Variants in GRIP1 observed in about 807,000 individuals in gnomAD.
GRIP1 encodes glutamate receptor-interacting protein 1.
Under a neutral mutation model 129.9 loss-of-function variants are expected in GRIP1, and 45 were observed. The ratio of observed to expected loss-of-function variants is 0.35; its 90% CI spans 0.27 to 0.44. GRIP1 has a LOEUF of 0.44. Ranked by LOEUF, GRIP1 falls within the 20% of genes least tolerant of loss-of-function variation. The pLI, the probability that GRIP1 is intolerant of heterozygous loss-of-function variation, is 1.00. For missense variants in GRIP1, 1,196 were observed against 1,396.8 expected (o/e 0.86, Z 2.29); for synonymous variants, 530 against 520.8 (o/e 1.02, Z -0.24).
rs1052239453 is a variant in GRIP1, at chr12:66,904,030, C to A, written c.58+165020G>T. On this transcript the variant is annotated intron_variant, in intron 1 of 1. Transcript: ENST00000643019. Reference sequence around the variant, plus strand: ...TATTTCTTCAGCAAGAAGGCACTGACTGTTTAAGAGAGTAATTTTATGTGT... The same window carrying A: ...TATTTCTTCAGCAAGAAGGCACTGAATGTTTAAGAGAGTAATTTTATGTGT... Among the ~76,000 whole-genome samples the A allele has an allele frequency of 1.4e-4, 21 of 152,324 alleles. No homozygotes were observed. In the Middle Eastern group the frequency reaches 0.01, roughly 74 times the overall value.
intron 15 of GRIP1, among the ~76,000 whole-genome samples, chr12:66,416,230 C>A (rs1016727573): frequency 1.3e-5 from 2 of 151,846 alleles, no homozygotes; most frequent in Admixed American, 6.6e-5. Context: ...AAACACAACA[C>A]ACTAAAGCCA....
rs567033381 is a variant in GRIP1, at chr12:66,901,893, G to A, written c.58+167157C>T. Among the ~76,000 whole-genome samples the A allele has an allele frequency of 1.4e-4, 22 of 152,244 alleles. No homozygotes were observed. In the East Asian group the frequency reaches 3.3e-3, roughly 23 times the overall value. ...TGTATTGTAATGTTTGGGAAGCAACGGCATACATAAAGTCTTCTCAAAATT... is the reference window on the plus strand; with the variant it reads ...TGTATTGTAATGTTTGGGAAGCAACAGCATACATAAAGTCTTCTCAAAATT... On this transcript the variant is annotated intron_variant, in intron 1 of 1. Coordinates refer to the GRIP1 transcript ENST00000643019.
intron 1 of GRIP1, among the ~76,000 whole-genome samples, chr12:66,751,705 T>C (rs2037131677): frequency 6.6e-6 from 1 of 152,304 alleles, no homozygotes; most frequent in Admixed American, 6.5e-5. Context: ...TTTAGGGTGG[T>C]GCTTTCATTA....
At chr12:66,880,480 C>G (rs574018449) in intron 1 of GRIP1, among the ~76,000 whole-genome samples, 1 of 151,966 alleles carries the variant, frequency 6.6e-6, no homozygotes, top group South Asian at 2.1e-4. Flanking sequence ...TGGGAGATCC[C>G]TGTCACTCCT....
chr12:66,756,048 C>T (rs1004459766), intron 1 of GRIP1, among the ~76,000 whole-genome samples: 2 of 152,174 alleles, frequency 1.3e-5, no homozygotes, highest in Non-Finnish European at 2.9e-5. Flanking sequence ...GTAAAAAGCA[C>T]ATAAATGTTA....
intron 1 of GRIP1, among the ~76,000 whole-genome samples, chr12:67,062,222 C>T (rs1033753422): frequency 2.6e-5 from 4 of 152,340 alleles, no homozygotes; most frequent in East Asian, 3.9e-4. Context: ...ACCTGGCATA[C>T]GAAGCCCTTT....
intron 15 of GRIP1, among the ~76,000 whole-genome samples, chr12:66,416,956 C>T (rs1050901959): frequency 6.6e-6 from 1 of 151,636 alleles, no homozygotes; most frequent in Non-Finnish European, 1.5e-5. Context: ...CACACACACA[C>T]ACAAAGAAAA....
intron 2 of GRIP1, among the ~76,000 whole-genome samples, chr12:66,548,938 A>T (rs1294739431): frequency 6.6e-6 from 1 of 152,230 alleles, no homozygotes. Flanking sequence ...TAGCGTAAAA[A>T]GAGAAAGTAC....
chr12:67,028,807 C>A (rs559253557), intron 1 of GRIP1, among the ~76,000 whole-genome samples: 1 of 152,214 alleles, frequency 6.6e-6, no homozygotes, highest in Admixed American at 6.5e-5. Context: ...CATACCAGCA[C>A]TTTACAAATC....
intron 2 of GRIP1, among the ~76,000 whole-genome samples, chr12:66,553,483 C>T (rs2062210718): frequency 1.3e-5 from 2 of 151,992 alleles, no homozygotes; most frequent in African/African-American, 2.4e-5. Context: ...TTAAAAAATA[C>T]AGACCTTGGG....
chr12:66,853,869 T>C (rs946661426), intron 1 of GRIP1, among the ~76,000 whole-genome samples: 1 of 152,076 alleles, frequency 6.6e-6, no homozygotes, highest in Non-Finnish European at 1.5e-5. Context: ...TTCCTATCAA[T>C]GAATTTTTCA....
intron 7 of GRIP1, among the ~76,000 whole-genome samples, chr12:66,505,414 A>T (rs2138819272): frequency 6.6e-6 from 1 of 152,310 alleles, no homozygotes; most frequent in South Asian, 2.1e-4. Flanking sequence ...TTAGCTTGGA[A>T]GGGATTATTT....
rs139225698 is a variant in GRIP1 at position 66,919,375 on chromosome 12, G to A, written c.58+149675C>T. On this transcript the variant is annotated intron_variant, in intron 1 of 1. Transcript: ENST00000643019. ...AGGGAATCTGAACAAGGTACCCCAA[G>A]GAACTGCCCTTCTCTACTTTGGGGA... 1.2e-3 allele frequency among the ~76,000 whole-genome samples: 179 copies of A among 152,234 alleles called. 2 individuals carry two copies. Among genetic ancestry groups the A allele is most frequent in the African/African-American group, 4.1e-3 (172 of 41,536 alleles).
rs1357084351 is a variant in GRIP1, at chr12:66,978,817, C to T, written c.58+90233G>A. Among the ~76,000 whole-genome samples, 3 of 152,178 alleles carry T rather than the reference C, an allele frequency of 2.0e-5. No homozygotes were observed. The East Asian group carries it at 5.8e-4, about 29-fold the overall frequency. The stretch of plus-strand genomic sequence containing the variant: ...ATTTTCCTTTTGTGCAATGACATTT[C>T]ATTTTCTTTCACTTGATCTGACTTC... On this transcript the variant is annotated intron_variant, in intron 1 of 1. Transcript: ENST00000643019.
At chr12:66,977,401 C>A (rs1171289902) in intron 1 of GRIP1, among the ~76,000 whole-genome samples, 1 of 152,060 alleles carries the variant, frequency 6.6e-6, no homozygotes, top group East Asian at 1.9e-4. Flanking sequence ...TAACATAACT[C>A]TTTAACTTCT....
intron 1 of GRIP1, among the ~76,000 whole-genome samples, chr12:67,059,129 T>C (rs1324538963): frequency 1.3e-5 from 2 of 152,172 alleles, no homozygotes; most frequent in Non-Finnish European, 2.9e-5. Context: ...AGAAGGTGAC[T>C]AAGACAGGTG....
At chr12:66,642,064 C>G (rs2031977268) in intron 1 of GRIP1, among the ~76,000 whole-genome samples, 1 of 152,062 alleles carries the variant, frequency 6.6e-6, no homozygotes, top group Non-Finnish European at 1.5e-5. Context: ...CTTGGACGAC[C>G]TTATCAGTCT....
At chr12:66,573,073 G>A (rs1364290163) in intron 2 of GRIP1, among the ~76,000 whole-genome samples, 9 of 124,426 alleles carry the variant, frequency 7.2e-5, no homozygotes, top group Non-Finnish European at 1.2e-4. Context: ...TATATATGTC[G>A]GCATATATAT....
chr12:66,462,354 A>G (rs2059159221), intron 9 of GRIP1, among the ~76,000 whole-genome samples: 1 of 152,220 alleles, frequency 6.6e-6, no homozygotes, highest in Non-Finnish European at 1.5e-5. Flanking sequence ...TGAGAGCTTT[A>G]CTATTTGCCT....
Sources: gnomAD v4.1 joint callset for allele counts (sites outside exome capture counted in the v4.1 genomes callset) on GRCh38, gnomAD v4.1.1 for gene constraint, MANE v1.5 for transcripts, NCBI Gene and HGNC (gene_info 2026-07-23, HGNC 2026-07-21) for gene names.